Variants in GPHN observed in about 807,000 individuals in gnomAD.
The protein encoded by GPHN is gephyrin.
In GPHN, 17 loss-of-function variants were observed where a neutral mutation model predicts 95.5. The observed-to-expected ratio is 0.18, with a 90% confidence interval of 0.12 to 0.27. The LOEUF (loss-of-function observed/expected upper bound fraction) is 0.27, where lower values mean the gene tolerates loss of function less well. Ranked by LOEUF, GPHN falls within the 10% of genes least tolerant of loss-of-function variation. The pLI is 1.00. For synonymous variants in GPHN, 320 were observed against 322.5 expected, an observed-to-expected ratio of 0.99 and a Z score of 0.08; for missense variants, 660 against 978.1, an observed-to-expected ratio of 0.67 and a Z score of 4.34.
chr14:66,508,363 G>A lies in GPHN; in HGVS notation c.-165G>A. On this transcript the variant is annotated 5_prime_UTR_variant, in exon 1 of 23. Coordinates refer to ENST00000478722, the MANE Select transcript of GPHN (RefSeq NM_020806.5). ...ACTCCCGGCGCGGCCTCTCCCCCAC[G>A]CAGGCCACCGTGCACTCTGTGGCCT... The A allele has an allele frequency of 1.4e-6, 1 of 691,656 alleles. No individual in the cohort carries two copies. Among genetic ancestry groups the A allele is most frequent in the Non-Finnish European group, 2.6e-6 (1 of 386,084 alleles). The allele number at this position is 691,656 out of a possible 1,614,324, so 42.8% of individuals were successfully genotyped here.
At chr14:66,687,309 C>G (rs1354997184) in intron 2 of GPHN, among the ~76,000 whole-genome samples, 1 of 152,010 alleles carries the variant, frequency 6.6e-6, no homozygotes, top group Non-Finnish European at 1.5e-5. Flanking sequence ...TCTTTTTGCT[C>G]AGGATTGCTT....
intron 5 of GPHN, among the ~76,000 whole-genome samples, chr14:66,882,707 G>A (rs1252751802): frequency 4.0e-5 from 6 of 151,474 alleles, no homozygotes; most frequent in South Asian, 2.1e-4. Flanking sequence ...TGGTTGTTTC[G>A]TTAGAGTTTT....
the GPHN span, among the ~76,000 whole-genome samples, chr14:67,554,921 AT>A: frequency 4.0e-5 from 6 of 151,384 alleles, no homozygotes; most frequent in Non-Finnish European, 7.4e-5. Flanking sequence ...ACTTTTTTAA[AT>A]TTTTTTTTGA....
At chr14:67,328,308 T>C in the GPHN span, among the ~76,000 whole-genome samples, 3 of 152,250 alleles carry the variant, frequency 2.0e-5, no homozygotes, top group African/African-American at 7.2e-5. Flanking sequence ...TCATATCCTT[T>C]GCCCACTTTT....
chr14:67,632,863 C>T, the GPHN span, among the ~76,000 whole-genome samples: 1 of 116,004 alleles, frequency 8.6e-6, no homozygotes, highest in Admixed American at 1.2e-4. Flanking sequence ...CTCTATCGCT[C>T]AGGCTGGAGT....
chr14:67,185,630 ATGTT>A (rs200939377), downstream of GPHN, among the ~76,000 whole-genome samples: 3,796 of 152,302 alleles, frequency 0.025, 49 homozygotes, highest in Middle Eastern at 0.037. Context: ...TTTTGGTTCT[ATGTT>A]TGGTTGTTTC....
the GPHN span, among the ~76,000 whole-genome samples, chr14:67,329,111 CATGGA>C: frequency 1.3e-5 from 2 of 152,204 alleles, no homozygotes; most frequent in Non-Finnish European, 2.9e-5. Context: ...CATCCATGAG[CATGGA>C]ATGTTCTTCC....
At chr14:67,151,706 T>C (rs1254968830) in intron 18 of GPHN, among the ~76,000 whole-genome samples, 1 of 152,188 alleles carries the variant, frequency 6.6e-6, no homozygotes, top group African/African-American at 2.4e-5. Context: ...CACAGTGGCA[T>C]GATCTTGGTT....
At chr14:67,208,426 A>G in the GPHN span, 14 of 1,613,898 alleles carry the variant, frequency 8.7e-6, no homozygotes, top group Non-Finnish European at 1.2e-5. Context: ...TTCAGAGCAC[A>G]GCTCTCAAGG....
At chr14:66,974,354 T>G (rs1032579837) in intron 9 of GPHN, among the ~76,000 whole-genome samples, 1 of 152,168 alleles carries the variant, frequency 6.6e-6, no homozygotes, top group South Asian at 2.1e-4. Flanking sequence ...TTTTCGTTCA[T>G]GCAAGTGTCC....
chr14:66,834,736 C>T (rs1182469869), intron 4 of GPHN, among the ~76,000 whole-genome samples: 1 of 151,428 alleles, frequency 6.6e-6, no homozygotes, highest in Non-Finnish European at 1.5e-5. Context: ...TGTGTCTCTG[C>T]CCGGCTTTGG....
the GPHN span, among the ~76,000 whole-genome samples, chr14:67,502,624 G>A: frequency 2.6e-5 from 4 of 151,720 alleles, no homozygotes; most frequent in African/African-American, 9.7e-5. Context: ...GGCTAATTTT[G>A]TACTTTTAGT....
At chr14:66,839,500 G>T (rs572596316) in intron 4 of GPHN, among the ~76,000 whole-genome samples, 1 of 152,278 alleles carries the variant, frequency 6.6e-6, no homozygotes, top group South Asian at 2.1e-4. Context: ...TGATTAGGAG[G>T]TGCTTCTGAA....
intron 1 of GPHN, among the ~76,000 whole-genome samples, chr14:66,609,058 C>T (rs996300832): frequency 6.6e-6 from 1 of 152,056 alleles, no homozygotes; most frequent in African/African-American, 2.4e-5. Flanking sequence ...GAGTTGTTTG[C>T]ATAGCTGCTT....
chr14:67,099,517 C>T (rs945639287), intron 12 of GPHN, among the ~76,000 whole-genome samples: 4 of 148,456 alleles, frequency 2.7e-5, no homozygotes, highest in African/African-American at 1.0e-4. Flanking sequence ...ATACTTTTTA[C>T]AAGTAAAAAC....
At chr14:67,079,233 T>A (rs1191283292) in intron 11 of GPHN, among the ~76,000 whole-genome samples, 3 of 152,118 alleles carry the variant, frequency 2.0e-5, no homozygotes, top group Non-Finnish European at 4.4e-5. Context: ...AAGTATTCAG[T>A]GTTTTTAGTA....
chr14:67,655,705 G>C, the GPHN span, among the ~76,000 whole-genome samples: 9 of 152,294 alleles, frequency 5.9e-5, no homozygotes, highest in South Asian at 1.9e-3. Context: ...TACCCTATTA[G>C]ATGTGTGAGA....
the GPHN span, chr14:67,676,860 TAATC>T: frequency 1.3e-5 from 2 of 152,188 alleles, no homozygotes; most frequent in Admixed American, 6.5e-5. Flanking sequence ...AAACAAAAAA[TAATC>T]AAAAAGAATT....
chr14:67,270,894 G>GA, the GPHN span: 1 of 152,184 alleles, frequency 6.6e-6, no homozygotes, highest in Non-Finnish European at 1.5e-5. Flanking sequence ...TAGAATTAGG[G>GA]ACTTGAGGGA....
Sources: gnomAD v4.1 joint callset for allele counts (sites outside exome capture counted in the v4.1 genomes callset) on GRCh38, gnomAD v4.1.1 for gene constraint, MANE v1.5 for transcripts, NCBI Gene and HGNC (gene_info 2026-07-23, HGNC 2026-07-21) for gene names.